Variants in SGSM3 observed in about 807,000 individuals in gnomAD.
SGSM3 encodes RUN and SH3 containing 3.
In SGSM3, 96 loss-of-function variants were observed where a neutral mutation model predicts 100.5. That is an observed-to-expected ratio of 0.96 (90% confidence interval 0.81 to 1.13). The LOEUF (loss-of-function observed/expected upper bound fraction) is 1.13, where lower values mean the gene tolerates loss of function less well. SGSM3 is among the 50% of genes most tolerant of loss of function. SGSM3 has a pLI of 0.00. For missense variants in SGSM3, 1,001 were observed against 1,015.8 expected, an observed-to-expected ratio of 0.99 and a Z score of 0.20; for synonymous variants, 483 against 422.8, an observed-to-expected ratio of 1.14 and a Z score of -1.75.
intron 16 of SGSM3, 36 bp from the exon 17 acceptor site, chr22:40,408,591 C>T: frequency 1.9e-6 from 3 of 1,612,112 alleles, no homozygotes; most frequent in Non-Finnish European, 2.5e-6. Flanking sequence ...CAGCATCTTC[C>T]TGTCCCTGCA....
At chr22:40,384,549 G>C (rs945001305) in intron 1 of SGSM3, among the ~76,000 whole-genome samples, 2 of 152,216 alleles carry the variant, frequency 1.3e-5, no homozygotes, top group African/African-American at 4.8e-5. Flanking sequence ...GGAAGGCCAA[G>C]GTGGGCGGAT....
At chr22:40,375,288 T>G (rs1238188772) in intron 1 of SGSM3, among the ~76,000 whole-genome samples, 2 of 152,090 alleles carry the variant, frequency 1.3e-5, no homozygotes, top group Non-Finnish European at 2.9e-5. Context: ...TATCAGAAAT[T>G]AGATTGATAG....
At chr22:40,405,982 C>T (rs9607716) in intron 8 of SGSM3, 96 bp from the exon 9 acceptor site, 70,925 of 1,520,458 alleles carry the variant, frequency 0.047, 1,859 homozygotes, top group Non-Finnish European at 0.056. Context: ...GCCCCCTCCC[C>T]TCCTTTGCTC....
chr22:40,397,671 C>T (rs1021614931), intron 1 of SGSM3, among the ~76,000 whole-genome samples: 2 of 152,330 alleles, frequency 1.3e-5, no homozygotes, highest in East Asian at 1.9e-4. Flanking sequence ...CCCACTCTTT[C>T]CTTCTCATTC....
Position 40,406,134 on chromosome 22 carries a change from A to G in SGSM3, c.871A>G (p.Ile291Val), listed in dbSNP as rs754079940. 1.2e-6 allele frequency: 2 copies of G among 1,613,982 alleles called. No individual in the cohort carries two copies. The highest frequency in any genetic ancestry group is 1.7e-5 in the Admixed American group (1 of 60,006). Residue 291 changes from isoleucine to valine, a missense_variant, in exon 9 of 22, where the codon ATC becomes GTC. Transcript: ENST00000248929. Reference sequence around the variant, plus strand: ...CACGGCCTTCGCCAGCGTGGTGGACATCAAGCTGCTCCTGCGCATCTGGGA... The same window carrying G: ...CACGGCCTTCGCCAGCGTGGTGGACGTCAAGCTGCTCCTGCGCATCTGGGA... Reference protein sequence around the residue: ...FLTAFASVVDIKLLLRIWDLF... With the variant: ...FLTAFASVVDVKLLLRIWDLF...
At chr22:40,385,496 G>C (rs546627309) in intron 1 of SGSM3, among the ~76,000 whole-genome samples, 2 of 152,296 alleles carry the variant, frequency 1.3e-5, no homozygotes, top group African/African-American at 4.8e-5. Context: ...CGTGGGTGGA[G>C]AATTTAACGT....
At chr22:40,380,965 T>C (rs1311439280) in intron 1 of SGSM3, among the ~76,000 whole-genome samples, 1 of 152,106 alleles carries the variant, frequency 6.6e-6, no homozygotes, top group Non-Finnish European at 1.5e-5. Context: ...AAATACAAGT[T>C]GCTGCAGCTT....
chr22:40,409,591 A>G, intron 21 of SGSM3, 66 bp downstream of exon 21: 2 of 1,613,254 alleles, frequency 1.2e-6, no homozygotes, highest in Non-Finnish European at 1.7e-6. Context: ...CGGGGTGGCT[A>G]AGGTGGGAAC....
In SGSM3 at chr22:40,383,406, G is replaced by T. The variant is rs150863873; in HGVS notation, c.-112+12718G>T. On this transcript the variant is annotated intron_variant, in intron 1 of 21. Transcript: ENST00000248929. ...GGCGTGAACCTGGGAGGTGGAGCTC[G>T]CAGTGAGCCGAGATCACGCCACTGC... is the stretch of plus-strand genomic sequence containing the variant. Among the ~76,000 whole-genome samples the T allele has an allele frequency of 2.1e-3, 314 of 150,974 alleles. 6 individuals are homozygous for T. In the East Asian group the frequency reaches 0.033, roughly 16 times the overall value.
intron 1 of SGSM3, among the ~76,000 whole-genome samples, chr22:40,390,834 G>C (rs1002685659): frequency 6.6e-6 from 1 of 152,164 alleles, no homozygotes; most frequent in African/African-American, 2.4e-5. Context: ...TTATGAGCAG[G>C]GGGAGCAGTA....
At position 40,405,657 on chromosome 22, in the gene SGSM3, C is replaced by CTGCCTCCTGCTGTTCCTGG; in HGVS notation, c.628_646dup (p.Glu216ValfsTer38). 1 of 1,612,772 alleles carries CTGCCTCCTGCTGTTCCTGG rather than the reference C, an allele frequency of 6.2e-7. No homozygotes were observed. Among genetic ancestry groups the CTGCCTCCTGCTGTTCCTGG allele is most frequent in the Non-Finnish European group, 8.5e-7 (1 of 1,179,356 alleles). ...CCCTGTGCCCTGGCCAGGTGGCCGC[C>CTGCCTCCTGCTGTTCCTGG]TGCCTCCTGCTGTTCCTGGAGGAGG... On this transcript the variant is annotated frameshift_variant, in exon 8 of 22. Coordinates refer to ENST00000248929, the MANE Select transcript of SGSM3 (RefSeq NM_015705.6). LOFTEE classifies it high-confidence loss of function.
intron 9 of SGSM3, 67 bp downstream of exon 9, chr22:40,406,290 C>T (rs2051501598): frequency 6.3e-7 from 1 of 1,592,926 alleles, no homozygotes; most frequent in African/African-American, 1.3e-5. Flanking sequence ...GAGCAAGAGA[C>T]CTCCCTGGGC....
intron 1 of SGSM3, among the ~76,000 whole-genome samples, chr22:40,371,502 A>G (rs2146702099): frequency 6.6e-6 from 1 of 152,216 alleles, no homozygotes; most frequent in Admixed American, 6.5e-5. Context: ...GATTCACAAA[A>G]ACTCATTTTC....
intron 10 of SGSM3, 150 bp from the exon 11 acceptor site, chr22:40,406,867 G>T: frequency 1.1e-6 from 1 of 940,978 alleles, no homozygotes; most frequent in Non-Finnish European, 1.6e-6. Flanking sequence ...GCACGGTTTG[G>T]GAGGAAGGCA....
chr22:40,394,108 C>G (rs1349993284), intron 1 of SGSM3, among the ~76,000 whole-genome samples: 1 of 152,162 alleles, frequency 6.6e-6, no homozygotes, highest in Non-Finnish European at 1.5e-5. Context: ...CTCTGCATTC[C>G]CTCCTTGGCA....
At chr22:40,385,795 T>C (rs1358394447) in intron 1 of SGSM3, among the ~76,000 whole-genome samples, 1 of 152,094 alleles carries the variant, frequency 6.6e-6, no homozygotes, top group Non-Finnish European at 1.5e-5. Flanking sequence ...ATAAATAGCA[T>C]GTGGCTTGTT....
Position 40,409,907 on chromosome 22 carries a change from A to G in SGSM3, c.*148A>G. 1 of 1,417,406 alleles carries G rather than the reference A, an allele frequency of 7.1e-7. No homozygotes were observed. The highest frequency in any genetic ancestry group is 9.2e-7 in the Non-Finnish European group (1 of 1,091,628). The allele number at this position is 1,417,406 out of a possible 1,614,324, so 87.8% of individuals were successfully genotyped here. ...TGCCCCACTCCACGTTCCCCAGCACATCCCAGGTGGTGGGAGCAGAGGGTA... is the reference window on the plus strand; with the variant it reads ...TGCCCCACTCCACGTTCCCCAGCACGTCCCAGGTGGTGGGAGCAGAGGGTA... On this transcript the variant is annotated 3_prime_UTR_variant, in exon 22 of 22. Coordinates refer to ENST00000248929, the MANE Select transcript of SGSM3 (RefSeq NM_015705.6).
intron 8 of SGSM3, 45 bp downstream of exon 8, chr22:40,405,889 G>A (rs372690741): frequency 2.4e-5 from 38 of 1,571,522 alleles, no homozygotes; most frequent in Non-Finnish European, 2.9e-5. Context: ...CAGCTTGGAG[G>A]ACTCAGGCGG....
In SGSM3 at chr22:40,408,497, T is replaced by C. The variant is rs934332581; in HGVS notation, c.1782+68T>C. Reference sequence around the variant, plus strand: ...CCTGCTGTGCCCCCTAGTACCCATCTTAGGTCCTTCCTGCCCCACAGAGAG... The same window carrying C: ...CCTGCTGTGCCCCCTAGTACCCATCCTAGGTCCTTCCTGCCCCACAGAGAG... On this transcript the variant is annotated intron_variant, in intron 16 of 21. Coordinates refer to ENST00000248929, the MANE Select transcript of SGSM3 (RefSeq NM_015705.6). 5.6e-6 allele frequency: 9 copies of C among 1,599,880 alleles called. No individual in the cohort carries two copies. In the African/African-American group the frequency reaches 1.2e-4, roughly 21 times the overall value.
Sources: allele counts gnomAD v4.1 joint callset (sites outside exome capture counted in the v4.1 genomes callset), GRCh38; gene constraint gnomAD v4.1.1; transcripts MANE v1.5; gene names NCBI Gene and HGNC (gene_info 2026-07-23, HGNC 2026-07-21).